The following STPG2 variants were observed in gnomAD, a reference collection of about 807,000 sequenced individuals.
STPG2 encodes sperm tail PG-rich repeat containing 2, also known as sperm-tail PG-rich repeat-containing protein 2.
A neutral mutation model predicts 54.2 loss-of-function variants in STPG2; 56 were observed. The ratio of observed to expected loss-of-function variants is 1.03; its 90% confidence interval spans 0.83 to 1.29. STPG2 has a LOEUF of 1.29. Among genes scored for constraint, STPG2 ranks in the 50% most tolerant of loss-of-function variants. The probability of loss-of-function intolerance (pLI) is 0.00; values close to 1 mark genes in which losing one functional copy is unlikely to be tolerated. For synonymous variants in STPG2, 200 were observed against 181.8 expected (o/e 1.10, Z -0.81); for missense variants, 596 against 544.9 (o/e 1.09, Z -0.93).
At chr4:97,667,517 T>C (rs1722565582) in intron 10 of STPG2, among the ~76,000 whole-genome samples, 1 of 152,176 alleles carries the variant, frequency 6.6e-6, no homozygotes, top group Non-Finnish European at 1.5e-5. Context: ...CAAAGAAAGC[T>C]ATGGATTTAC....
At chr4:98,080,763 A>G (rs1373385548) in intron 5 of STPG2, among the ~76,000 whole-genome samples, 7 of 152,212 alleles carry the variant, frequency 4.6e-5, no homozygotes, top group Admixed American at 4.6e-4. Flanking sequence ...TCTTCAAAAC[A>G]TGCAACCAGC....
intron 10 of STPG2, among the ~76,000 whole-genome samples, chr4:97,686,887 C>T (rs935542215): frequency 6.6e-6 from 1 of 151,354 alleles, no homozygotes; most frequent in African/African-American, 2.4e-5. Context: ...CATTTTCTCT[C>T]AAATGACATA....
intron 6 of STPG2, among the ~76,000 whole-genome samples, chr4:97,974,694 G>A (rs1300692866): frequency 1.3e-5 from 2 of 152,162 alleles, no homozygotes; most frequent in African/African-American, 4.8e-5. Context: ...CTTGTCTGCT[G>A]CCATGTGAGA....
intron 9 of STPG2, among the ~76,000 whole-genome samples, chr4:97,767,717 A>T (rs1224026225): frequency 2.0e-5 from 3 of 152,162 alleles, no homozygotes; most frequent in East Asian, 1.9e-4. Flanking sequence ...TAATCAGTTT[A>T]TCCATATTAT....
intron 10 of STPG2, among the ~76,000 whole-genome samples, chr4:97,702,920 C>T (rs1454593638): frequency 6.6e-6 from 1 of 152,112 alleles, no homozygotes; most frequent in Non-Finnish European, 1.5e-5. Flanking sequence ...TCTTTCTCTA[C>T]AGGAGGTAAG....
chr4:98,033,128 C>CA (rs990597347), intron 5 of STPG2, among the ~76,000 whole-genome samples: 23 of 69,688 alleles, frequency 3.3e-4, no homozygotes, highest in East Asian at 2.9e-3. Flanking sequence ...CACACACACA[C>CA]AAAAAAAACC....
chr4:98,137,670 C>G (rs1448306804), intron 1 of STPG2, among the ~76,000 whole-genome samples: 2 of 151,480 alleles, frequency 1.3e-5, no homozygotes, highest in East Asian at 3.9e-4. Context: ...ACAGCAGGGC[C>G]CCTAAATGAA....
At chr4:97,968,513 T>A (rs1045561032) in intron 7 of STPG2, among the ~76,000 whole-genome samples, 1 of 152,182 alleles carries the variant, frequency 6.6e-6, no homozygotes, top group Non-Finnish European at 1.5e-5. Context: ...ATATCCCTGA[T>A]GAACATCAAT....
At chr4:98,091,800 T>C (rs6532714) in intron 5 of STPG2, among the ~76,000 whole-genome samples, 2,230 of 152,144 alleles carry the variant, frequency 0.015, 55 homozygotes, top group African/African-American at 0.05. Flanking sequence ...CATTGGATTC[T>C]CACAATAACC....
At chr4:97,888,594 A>G (rs569480391) in intron 8 of STPG2, among the ~76,000 whole-genome samples, 1 of 152,318 alleles carries the variant, frequency 6.6e-6, no homozygotes, top group East Asian at 1.9e-4. Flanking sequence ...TTTTGATTTT[A>G]CAGGCTCACA....
chr4:97,942,882 T>C (rs2149231137), intron 8 of STPG2, among the ~76,000 whole-genome samples: 1 of 152,354 alleles, frequency 6.6e-6, no homozygotes, highest in Non-Finnish European at 1.5e-5. Flanking sequence ...CTTCTCAAGA[T>C]AGTCCAATTT....
Position 97,973,983 on chromosome 4 carries a change from C to T in STPG2, c.773-1543G>A, listed in dbSNP as rs576329264. Among the ~76,000 whole-genome samples, 5 of 152,312 alleles carry T rather than the reference C, an allele frequency of 3.3e-5. No individual in the cohort carries two copies. In the East Asian group the frequency reaches 5.8e-4, roughly 18 times the overall value. On this transcript the variant is annotated intron_variant, in intron 6 of 10. Coordinates refer to ENST00000295268, the MANE Select transcript of STPG2 (RefSeq NM_174952.3). ...TCCAAACCCCAGAATTGTAGATCCA[C>T]TGACAGCTTGCACCATGTGCCTGGA... is the stretch of plus-strand genomic sequence containing the variant.
At chr4:97,676,546 G>A (rs776097720) in intron 10 of STPG2, among the ~76,000 whole-genome samples, 13 of 30,172 alleles carry the variant, frequency 4.3e-4, no homozygotes, top group African/African-American at 1.3e-3. Flanking sequence ...TGGAAGAAAG[G>A]AAGGAAGGAA....
intron 10 of STPG2, among the ~76,000 whole-genome samples, chr4:97,701,598 C>T (rs1723776489): frequency 6.6e-6 from 1 of 152,168 alleles, no homozygotes; most frequent in African/African-American, 2.4e-5. Context: ...ATCTGTAAAC[C>T]TGCTCAAGTC....
chr4:97,810,994 T>C (rs9995370), intron 9 of STPG2, among the ~76,000 whole-genome samples: 1 of 152,016 alleles, frequency 6.6e-6, no homozygotes. Context: ...TATATTCTTT[T>C]GTTCACTTCT....
At chr4:98,052,947 C>T (rs1257866446) in intron 5 of STPG2, among the ~76,000 whole-genome samples, 2 of 152,146 alleles carry the variant, frequency 1.3e-5, no homozygotes, top group African/African-American at 4.8e-5. Flanking sequence ...CCTAACCTCA[C>T]TGAGGAAGGG....
At chr4:97,619,172 T>C (rs1023757258) in intron 10 of STPG2, among the ~76,000 whole-genome samples, 2 of 152,160 alleles carry the variant, frequency 1.3e-5, no homozygotes, top group African/African-American at 2.4e-5. Flanking sequence ...AATGTCAAAG[T>C]ATCCCTATTC....
intron 8 of STPG2, among the ~76,000 whole-genome samples, chr4:97,885,978 C>T (rs1404016436): frequency 2.0e-5 from 3 of 151,884 alleles, no homozygotes; most frequent in Non-Finnish European, 2.9e-5. Flanking sequence ...CAATTTTTCA[C>T]AATTAAAAAG....
chr4:97,720,272 CAG>C (rs1724408653), intron 9 of STPG2, among the ~76,000 whole-genome samples: 1 of 151,996 alleles, frequency 6.6e-6, no homozygotes, highest in Non-Finnish European at 1.5e-5. Flanking sequence ...AAAACCAGCT[CAG>C]AGAAGTTAAA....
Sources: gnomAD v4.1 joint callset for allele counts (sites outside exome capture counted in the v4.1 genomes callset) on GRCh38, gnomAD v4.1.1 for gene constraint, MANE v1.5 for transcripts, NCBI Gene and HGNC (gene_info 2026-07-23, HGNC 2026-07-21) for gene names.